Variants in CDH18 observed in about 807,000 individuals in gnomAD.
CDH18 encodes cadherin-18.
A neutral mutation model predicts 67.9 loss-of-function variants in CDH18; 31 were observed. That is an observed-to-expected ratio of 0.46 (90% CI 0.34 to 0.62). CDH18 has a LOEUF of 0.62. Ranked by LOEUF, CDH18 falls within the 20% of genes least tolerant of loss-of-function variation. The pLI is 0.01. For missense variants in CDH18, 890 were observed against 975.5 expected, an observed-to-expected ratio of 0.91 and a Z score of 1.17; for synonymous variants, 362 against 347.2, an observed-to-expected ratio of 1.04 and a Z score of -0.48.
At chr5:19,989,305 A>C (rs986133339), upstream of CDH18, among the ~76,000 whole-genome samples, 2 of 152,218 alleles carry the variant, frequency 1.3e-5, no homozygotes, top group Non-Finnish European at 1.5e-5. Context: ...TTTTCTGCTT[A>C]GTTGATAAAA....
intron 2 of CDH18, among the ~76,000 whole-genome samples, chr5:20,024,070 A>G (rs1330918590): frequency 1.3e-5 from 2 of 152,236 alleles, no homozygotes; most frequent in African/African-American, 4.8e-5. Flanking sequence ...TGAATTCACC[A>G]TATCCATCAC....
chr5:19,760,847 C>T (rs1581229923), intron 3 of CDH18, among the ~76,000 whole-genome samples: 1 of 152,174 alleles, frequency 6.6e-6, no homozygotes, highest in African/African-American at 2.4e-5. Context: ...GGGAGGCCAT[C>T]ACTGTTGCCG....
At chr5:20,160,220 T>TTTATTTAACTATTA (rs1751869541) in intron 2 of CDH18, among the ~76,000 whole-genome samples, 2 of 152,236 alleles carry the variant, frequency 1.3e-5, no homozygotes, top group Admixed American at 1.3e-4. Context: ...AAATGACCTG[T>TTTATTTAACTATTA]TTAACTATTA....
intron 2 of CDH18, among the ~76,000 whole-genome samples, chr5:20,023,021 ATTTC>A (rs1738563109): frequency 6.6e-6 from 1 of 152,116 alleles, no homozygotes; most frequent in South Asian, 2.1e-4. Context: ...TTTGATACAC[ATTTC>A]TTTCTAATGT....
intron 1 of CDH18, among the ~76,000 whole-genome samples, chr5:20,295,843 C>CAA (rs78219618): frequency 0.67 from 100,143 of 148,682 alleles, 33,740 homozygotes; most frequent in East Asian, 0.75. Context: ...AATCTGCAGA[C>CAA]ATTTTATTTT....
chr5:19,720,092 G>C (rs892669191), intron 5 of CDH18, among the ~76,000 whole-genome samples: 4 of 152,024 alleles, frequency 2.6e-5, no homozygotes, highest in Middle Eastern at 3.4e-3. Context: ...CAAAACTCTT[G>C]GTAAACAATC....
chr5:20,247,385 G>T (rs901651541), intron 2 of CDH18, among the ~76,000 whole-genome samples: 1 of 152,132 alleles, frequency 6.6e-6, no homozygotes, highest in Non-Finnish European at 1.5e-5. Context: ...AATAAATATG[G>T]TAAAGACACT....
intron 1 of CDH18, among the ~76,000 whole-genome samples, chr5:20,368,658 T>C (rs977141366): frequency 6.6e-6 from 1 of 152,166 alleles, no homozygotes; most frequent in Non-Finnish European, 1.5e-5. Flanking sequence ...TAAAATTTGA[T>C]AAATTTTAGC....
In CDH18 at chr5:20,465,162, G is replaced by A. The variant is rs60435248; in HGVS notation, c.-580+110300C>T. On this transcript the variant is annotated intron_variant, in intron 1 of 14. Coordinates refer to the CDH18 transcript ENST00000507958. ...ATAAATGACAGGATGGCATGAGAGAGCCTAGACAGTGTAGATGGTGAAGCT... is the reference window on the plus strand; with the variant it reads ...ATAAATGACAGGATGGCATGAGAGAACCTAGACAGTGTAGATGGTGAAGCT... Among the ~76,000 whole-genome samples the A allele has an allele frequency of 2.9e-3, 439 of 152,192 alleles. 3 individuals carry two copies. Among genetic ancestry groups the A allele is most frequent in the African/African-American group, 0.01 (428 of 41,552 alleles).
At chr5:19,930,579 T>C (rs939657571) in intron 2 of CDH18, among the ~76,000 whole-genome samples, 5 of 152,010 alleles carry the variant, frequency 3.3e-5, no homozygotes, top group African/African-American at 9.7e-5. Flanking sequence ...GTGGTTACCA[T>C]GGGAGAGGCT....
chr5:19,672,525 C>A (rs1758890315), intron 5 of CDH18, among the ~76,000 whole-genome samples: 1 of 152,018 alleles, frequency 6.6e-6, no homozygotes, highest in Non-Finnish European at 1.5e-5. Flanking sequence ...TTTGTTCACA[C>A]AACTTTTTAT....
At chr5:19,837,823 C>G (rs2150021297) in intron 3 of CDH18, among the ~76,000 whole-genome samples, 1 of 152,220 alleles carries the variant, frequency 6.6e-6, no homozygotes, top group Non-Finnish European at 1.5e-5. Context: ...ATAGAAGCCA[C>G]TGAGCCTGCA....
In CDH18 at chr5:19,718,752, C is replaced by T. The variant is rs114751749; in HGVS notation, c.643+2595G>A. Among the ~76,000 whole-genome samples, 1,159 of 151,984 alleles carry T rather than the reference C, an allele frequency of 7.6e-3. 14 individuals are homozygous for T. Among genetic ancestry groups the T allele is most frequent in the African/African-American group, 0.026 (1,098 of 41,500 alleles). ...GTATAATACTGATATTAACACACAT[C>T]AAAGTGGAGGCATGTACTTTATTCA... On this transcript the variant is annotated intron_variant, in intron 5 of 12. Transcript: ENST00000382275.
intron 1 of CDH18, among the ~76,000 whole-genome samples, chr5:20,479,052 T>G (rs1463831754): frequency 6.6e-6 from 1 of 152,046 alleles, no homozygotes; most frequent in African/African-American, 2.4e-5. Flanking sequence ...GGGTTTGGAG[T>G]GCTCCCCAAA....
chr5:20,476,527 TC>T, intron 1 of CDH18, among the ~76,000 whole-genome samples: 1 of 152,270 alleles, frequency 6.6e-6, no homozygotes, highest in African/African-American at 2.4e-5. Context: ...TTGAATTTCT[TC>T]ACTTCTACTG....
chr5:19,973,394 T>C (rs1276077671), intron 2 of CDH18, among the ~76,000 whole-genome samples: 1 of 152,168 alleles, frequency 6.6e-6, no homozygotes, highest in East Asian at 1.9e-4. Flanking sequence ...ACTTGTGTCC[T>C]ATTATCTATG....
intron 2 of CDH18, among the ~76,000 whole-genome samples, chr5:19,928,543 C>T (rs553304797): frequency 3.0e-4 from 46 of 152,158 alleles, no homozygotes; most frequent in African/African-American, 1.1e-3. Context: ...GCATGTATAT[C>T]CATACATGCT....
rs575916525 is a variant in CDH18 at position 20,088,582 on chromosome 5, T to A, written c.-517-96568A>T. On this transcript the variant is annotated intron_variant, in intron 2 of 14. Coordinates refer to the CDH18 transcript ENST00000507958. The stretch of plus-strand genomic sequence containing the variant: ...CCAGCCTGTGTGGACATGGCCAGCA[T>A]ATGGCAGACTGTGCAGACAGGACAA... Among the ~76,000 whole-genome samples the A allele has an allele frequency of 1.8e-3, 278 of 152,288 alleles. 4 individuals are homozygous for A. Among genetic ancestry groups the A allele is most frequent in the African/African-American group, 6.1e-3 (252 of 41,566 alleles).
intron 5 of CDH18, among the ~76,000 whole-genome samples, chr5:19,667,507 T>TACAC (rs35326145): frequency 0.01 from 1,337 of 129,238 alleles, 11 homozygotes; most frequent in Middle Eastern, 0.016. Context: ...TATATATATA[T>TACAC]ACACACACAC....
Sources: allele counts gnomAD v4.1 joint callset (sites outside exome capture counted in the v4.1 genomes callset), GRCh38; gene constraint gnomAD v4.1.1; transcripts MANE v1.5; gene names NCBI Gene and HGNC (gene_info 2026-07-23, HGNC 2026-07-21).